OSBPL10: variants seen among roughly 807,000 people sequenced by gnomAD.
OSBPL10 encodes the protein oxysterol binding protein like 10.
Under a neutral mutation model 81.7 loss-of-function variants are expected in OSBPL10, and 49 were observed. The observed-to-expected ratio is 0.60, with a 90% CI of 0.48 to 0.76. The LOEUF (loss-of-function observed/expected upper bound fraction) is 0.76, where lower values mean the gene tolerates loss of function less well. Ranked by LOEUF, OSBPL10 falls within the 30% of genes least tolerant of loss-of-function variation. The probability of loss-of-function intolerance (pLI) is 0.00; values close to 1 mark genes in which losing one functional copy is unlikely to be tolerated. For missense variants in OSBPL10, 923 were observed against 987.8 expected, an observed-to-expected ratio of 0.93 and a Z score of 0.88; for synonymous variants, 419 against 383.6, an observed-to-expected ratio of 1.09 and a Z score of -1.08.
chr3:32,017,781 T>G (rs1699328635), intron 2 of OSBPL10, among the ~76,000 whole-genome samples: 1 of 152,226 alleles, frequency 6.6e-6, no homozygotes, highest in African/African-American at 2.4e-5. Flanking sequence ...CACTTTTAAT[T>G]CTTTTGGCTT....
chr3:31,714,281 C>T (rs916524995), intron 6 of OSBPL10, among the ~76,000 whole-genome samples: 1 of 152,196 alleles, frequency 6.6e-6, no homozygotes, highest in Non-Finnish European at 1.5e-5. Context: ...CAGTGCAGGA[C>T]ATGGCCTGGG....
chr3:31,883,197 C>A (rs1695637729), intron 1 of OSBPL10, among the ~76,000 whole-genome samples: 1 of 151,858 alleles, frequency 6.6e-6, no homozygotes, highest in South Asian at 2.1e-4. Context: ...CCTACACACA[C>A]CTGCAGACAC....
chr3:31,807,450 G>A (rs999246173), intron 4 of OSBPL10, among the ~76,000 whole-genome samples: 1 of 151,626 alleles, frequency 6.6e-6, no homozygotes, highest in Non-Finnish European at 1.5e-5. Flanking sequence ...TGGGTGTCAA[G>A]GGCACAAGTA....
intron 4 of OSBPL10, among the ~76,000 whole-genome samples, chr3:31,808,941 C>T (rs1699593969): frequency 6.6e-6 from 1 of 152,176 alleles, no homozygotes; most frequent in Non-Finnish European, 1.5e-5. Context: ...CTCTTCTGGA[C>T]TTCGTAAAAC....
At chr3:31,741,091 G>A (rs1209481834) in intron 5 of OSBPL10, among the ~76,000 whole-genome samples, 2 of 152,130 alleles carry the variant, frequency 1.3e-5, no homozygotes, top group African/African-American at 2.4e-5. Context: ...CAAGGCCCCT[G>A]CAAGGTCTTT....
At chr3:31,855,622 C>T (rs564383027) in intron 3 of OSBPL10, among the ~76,000 whole-genome samples, 3 of 152,278 alleles carry the variant, frequency 2.0e-5, no homozygotes, top group Admixed American at 1.3e-4. Flanking sequence ...TTATGGTACA[C>T]AGACATGCAG....
At chr3:31,934,896 G>A (rs771289638) in intron 1 of OSBPL10, among the ~76,000 whole-genome samples, 2 of 152,052 alleles carry the variant, frequency 1.3e-5, no homozygotes, top group African/African-American at 2.4e-5. Flanking sequence ...TTAAACAATC[G>A]GGGCTCTATT....
chr3:31,990,885 CTT>C (rs1559544810), intron 2 of OSBPL10: 1 of 1,575,654 alleles, frequency 6.3e-7, no homozygotes, highest in Non-Finnish European at 8.6e-7. Flanking sequence ...GTGGCAAAGC[CTT>C]TACTTCACAT....
At chr3:31,895,363 T>C (rs1338988981) in intron 1 of OSBPL10, among the ~76,000 whole-genome samples, 1 of 151,696 alleles carries the variant, frequency 6.6e-6, no homozygotes, top group East Asian at 1.9e-4. Flanking sequence ...GGTCTTGATC[T>C]CCTGACCTCA....
chr3:32,044,892 G>A (rs1699609036), intron 2 of OSBPL10, among the ~76,000 whole-genome samples: 1 of 152,038 alleles, frequency 6.6e-6, no homozygotes, highest in African/African-American at 2.4e-5. Context: ...GTAATTCAAT[G>A]CAGCCTCTAC....
upstream of OSBPL10, among the ~76,000 whole-genome samples, chr3:31,982,390 A>G (rs1402292410): frequency 6.6e-6 from 1 of 152,212 alleles, no homozygotes; most frequent in Non-Finnish European, 1.5e-5. Flanking sequence ...AAAAGGTGAT[A>G]GATGATAGGT....
intron 1 of OSBPL10, among the ~76,000 whole-genome samples, chr3:31,933,914 G>A (rs974130958): frequency 6.6e-6 from 1 of 151,968 alleles, no homozygotes; most frequent in African/African-American, 2.4e-5. Context: ...ACAGAAAAAA[G>A]TGTTAAGTGC....
chr3:32,049,253 T>C (rs1575092436), intron 1 of OSBPL10, among the ~76,000 whole-genome samples: 2 of 152,328 alleles, frequency 1.3e-5, no homozygotes, highest in Admixed American at 1.3e-4. Context: ...CCCCAAATTC[T>C]TTCTTGTGCG....
At chr3:31,861,396 A>G (rs1486922293) in intron 3 of OSBPL10, among the ~76,000 whole-genome samples, 1 of 152,230 alleles carries the variant, frequency 6.6e-6, no homozygotes. Context: ...TGTAAATGCT[A>G]TGTAAACAGT....
rs112933410 is a variant in OSBPL10, at chr3:31,993,250, A to C, written n.298+53241T>G. ...TTTGAGACAGAGTTCACTCTTGTTGACCAGGCTGGAGTGCAATGGCACGAT... is the reference window on the plus strand; with the variant it reads ...TTTGAGACAGAGTTCACTCTTGTTGCCCAGGCTGGAGTGCAATGGCACGAT... On this transcript the variant is annotated intron_variant and non_coding_transcript_variant, in intron 2 of 3. Transcript: ENST00000479173. Among the ~76,000 whole-genome samples the C allele has an allele frequency of 8.8e-3, 1,318 of 150,132 alleles. 26 individuals are homozygous for C. Among genetic ancestry groups the C allele is most frequent in the African/African-American group, 0.03 (1,241 of 40,848 alleles).
chr3:31,767,584 G>GTTTC (rs3038197), intron 4 of OSBPL10, among the ~76,000 whole-genome samples: 5 of 151,372 alleles, frequency 3.3e-5, no homozygotes, highest in Non-Finnish European at 5.9e-5. Context: ...AAGTCCCCGT[G>GTTTC]CCCCAAGTCT....
chr3:31,837,372 TATAGTAAG>T (rs1700385291), intron 3 of OSBPL10, among the ~76,000 whole-genome samples: 1 of 27,570 alleles, frequency 3.6e-5, no homozygotes, highest in East Asian at 2.7e-3. Flanking sequence ...TATATATATA[TATAGTAAG>T]TAACATAACA....
chr3:31,821,123 C>T lies in OSBPL10; in HGVS notation c.729+8917G>A, dbSNP rs531326592. 7.9e-5 allele frequency among the ~76,000 whole-genome samples: 12 copies of T among 152,152 alleles called. No homozygotes were observed. The South Asian group carries it at 2.5e-3, about 32-fold the overall frequency. On this transcript the variant is annotated intron_variant, in intron 4 of 11. Coordinates refer to ENST00000396556, the MANE Select transcript of OSBPL10 (RefSeq NM_017784.5). ...CCTCCCCCACCCCACCCAGCCATGC[C>T]GTGCTCCCAGCAGGTTGAGACCACA...
intron 1 of OSBPL10, among the ~76,000 whole-genome samples, chr3:31,968,876 A>C (rs1242402604): frequency 6.6e-6 from 1 of 152,250 alleles, no homozygotes; most frequent in Non-Finnish European, 1.5e-5. Context: ...GCTAATAAAA[A>C]TTACCACAAA....
Sources: allele counts gnomAD v4.1 joint callset (sites outside exome capture counted in the v4.1 genomes callset), GRCh38; gene constraint gnomAD v4.1.1; transcripts MANE v1.5; gene names NCBI Gene and HGNC (gene_info 2026-07-23, HGNC 2026-07-21).